The following FAM117A variants were observed in gnomAD, a reference collection of about 807,000 sequenced individuals.
The protein encoded by FAM117A is protein FAM117A.
Under a neutral mutation model 44.1 loss-of-function variants are expected in FAM117A, and 21 were observed. The observed-to-expected ratio is 0.48, with a 90% confidence interval of 0.34 to 0.69. FAM117A has a LOEUF of 0.69. Ranked by LOEUF, FAM117A falls within the 30% of genes least tolerant of loss-of-function variation. The pLI is 0.01. For missense variants in FAM117A, 498 were observed against 589.9 expected, an observed-to-expected ratio of 0.84 and a Z score of 1.61; for synonymous variants, 220 against 238.3, an observed-to-expected ratio of 0.92 and a Z score of 0.71.
At chr17:49,753,682 G>A (rs2073686126) in intron 1 of FAM117A, among the ~76,000 whole-genome samples, 1 of 152,166 alleles carries the variant, frequency 6.6e-6, no homozygotes, top group African/African-American at 2.4e-5. Context: ...TACTTGGGAG[G>A]CTGAGGCAGG....
At chr17:49,737,137 C>T (rs1391952900) in intron 1 of FAM117A, among the ~76,000 whole-genome samples, 1 of 152,226 alleles carries the variant, frequency 6.6e-6, no homozygotes. Context: ...GAAGGCCCAA[C>T]CTCTTTCTTA....
intron 1 of FAM117A, among the ~76,000 whole-genome samples, chr17:49,734,914 A>G (rs2073603845): frequency 6.6e-6 from 1 of 152,224 alleles, no homozygotes; most frequent in Non-Finnish European, 1.5e-5. Flanking sequence ...TAAGCAAGAC[A>G]AAAGGACAAA....
At chr17:49,758,291 A>G (rs1598033234) in intron 1 of FAM117A, among the ~76,000 whole-genome samples, 1 of 151,218 alleles carries the variant, frequency 6.6e-6, no homozygotes, top group Non-Finnish European at 1.5e-5. Flanking sequence ...AGATCATGCC[A>G]TTGCACTCCA....
chr17:49,752,755 T>C (rs2073682491), intron 1 of FAM117A, among the ~76,000 whole-genome samples: 1 of 152,200 alleles, frequency 6.6e-6, no homozygotes, highest in African/African-American at 2.4e-5. Context: ...AATGTATTAA[T>C]AGTAACCATC....
At position 49,772,998 on chromosome 17, in the gene FAM117A, C is replaced by T. The variant is rs186424509; in HGVS notation, c.-621+15499G>A. Among the ~76,000 whole-genome samples, 11 of 151,780 alleles carry T rather than the reference C, an allele frequency of 7.2e-5. No homozygotes were observed. In the East Asian group the frequency reaches 9.8e-4, roughly 13 times the overall value. ...CAGCCTGACCAACATGGTGAAACCCCGTCTCTACTAAAAAATACAAAAATT... is the reference window on the plus strand; with the variant it reads ...CAGCCTGACCAACATGGTGAAACCCTGTCTCTACTAAAAAATACAAAAATT... On this transcript the variant is annotated intron_variant, in intron 1 of 7. Transcript: ENST00000513602.
In FAM117A at chr17:49,711,146, C is replaced by G. The variant is rs557321946; in HGVS notation, c.*109G>C. 10 of 1,121,000 alleles carry G rather than the reference C, an allele frequency of 8.9e-6. No homozygotes were observed. The African/African-American group carries it at 1.6e-4, about 18-fold the overall frequency. 69.4% of individuals were successfully genotyped at this position (1,121,000 alleles called of 1,614,324 possible). ...GACACAGTAAGTGAAAGAAAGTGCT[C>G]GAAGGCCGAGAGGGAAGGGCCCCTC... On this transcript the variant is annotated 3_prime_UTR_variant, in exon 8 of 8. Coordinates refer to ENST00000240364, the MANE Select transcript of FAM117A (RefSeq NM_030802.4).
intron 3 of FAM117A, among the ~76,000 whole-genome samples, 183 bp from the exon 4 acceptor site, chr17:49,720,619 G>A (rs1029600091): frequency 4.6e-5 from 7 of 152,268 alleles, no homozygotes; most frequent in East Asian, 3.9e-4. Context: ...TTCCTCAGAC[G>A]AGTTGGATAC....
chr17:49,747,137 T>C (rs1412994315), intron 1 of FAM117A: 1 of 148,132 alleles, frequency 6.8e-6, no homozygotes, highest in East Asian at 1.9e-4. Context: ...GCAAGATAAG[T>C]AGAAAAAAAA....
intron 2 of FAM117A, among the ~76,000 whole-genome samples, chr17:49,723,546 C>G (rs2073545264): frequency 6.6e-6 from 1 of 152,194 alleles, no homozygotes; most frequent in Admixed American, 6.5e-5. Context: ...GAACCAGTTT[C>G]TCTCTAACTT....
At chr17:49,762,753 T>A (rs1431938045) in intron 1 of FAM117A, among the ~76,000 whole-genome samples, 1 of 152,226 alleles carries the variant, frequency 6.6e-6, no homozygotes, top group Non-Finnish European at 1.5e-5. Context: ...TGTGCAATGA[T>A]CTTTTCACAT....
At chr17:49,771,829 A>C (rs1204715569) in intron 1 of FAM117A, among the ~76,000 whole-genome samples, 1 of 152,178 alleles carries the variant, frequency 6.6e-6, no homozygotes, top group Non-Finnish European at 1.5e-5. Context: ...GCCCCACTTT[A>C]GATTTCTTTC....
chr17:49,776,594 C>A (rs1295857994), intron 1 of FAM117A, among the ~76,000 whole-genome samples: 1 of 152,152 alleles, frequency 6.6e-6, no homozygotes, highest in Non-Finnish European at 1.5e-5. Flanking sequence ...GTCTCTGCCT[C>A]CAGTGGACTA....
chr17:49,719,193 G>A (rs774072894), intron 5 of FAM117A, among the ~76,000 whole-genome samples: 16 of 152,090 alleles, frequency 1.1e-4, no homozygotes, highest in African/African-American at 3.6e-4. Flanking sequence ...CCCGGGAGGC[G>A]GAGGTTGCGG....
intron 2 of FAM117A, chr17:49,724,503 G>A (rs956872514): frequency 8.8e-6 from 4 of 456,112 alleles, no homozygotes; most frequent in Non-Finnish European, 1.8e-5. Flanking sequence ...ATATGCGAGA[G>A]GATGGAAAGA....
chr17:49,717,397 GA>G, intron 6 of FAM117A, 115 bp downstream of exon 6: 1 of 774,720 alleles, frequency 1.3e-6, no homozygotes, highest in Middle Eastern at 3.8e-4. Context: ...GACTCATAAA[GA>G]TATTCTAGTA....
chr17:49,727,901 A>G (rs573577128), intron 2 of FAM117A, among the ~76,000 whole-genome samples: 82 of 152,332 alleles, frequency 5.4e-4, no homozygotes, highest in African/African-American at 1.9e-3. Context: ...GTCAAGCAGC[A>G]TGGTGCCTGG....
At chr17:49,753,675 T>C (rs1431385454) in intron 1 of FAM117A, among the ~76,000 whole-genome samples, 1 of 152,042 alleles carries the variant, frequency 6.6e-6, no homozygotes, top group East Asian at 1.9e-4. Context: ...AATTAGCTAC[T>C]TGGGAGGCTG....
intron 1 of FAM117A, among the ~76,000 whole-genome samples, chr17:49,759,642 G>T (rs1198335893): frequency 6.6e-6 from 1 of 152,158 alleles, no homozygotes; most frequent in African/African-American, 2.4e-5. Flanking sequence ...GTTTGCTGAG[G>T]GCTTTCTCTT....
intron 1 of FAM117A, among the ~76,000 whole-genome samples, chr17:49,749,611 G>A (rs902172906): frequency 6.9e-6 from 1 of 144,008 alleles, no homozygotes; most frequent in Admixed American, 6.9e-5. Context: ...GGAGATTGTT[G>A]AGGGCAGAAC....
Sources: gnomAD v4.1 joint callset for allele counts (sites outside exome capture counted in the v4.1 genomes callset) on GRCh38, gnomAD v4.1.1 for gene constraint, MANE v1.5 for transcripts, NCBI Gene and HGNC (gene_info 2026-07-23, HGNC 2026-07-21) for gene names.